Variants in PDE10A observed in about 807,000 individuals in gnomAD.
PDE10A encodes cAMP and cAMP-inhibited cGMP 3',5'-cyclic phosphodiesterase 10A.
In PDE10A, 39 loss-of-function variants were observed where a neutral mutation model predicts 97.7. That is an observed-to-expected ratio of 0.40 (90% CI 0.31 to 0.52). PDE10A has a LOEUF of 0.52. Among genes scored for constraint, PDE10A ranks in the 20% least tolerant of loss-of-function variants. The pLI is 0.56. For synonymous variants in PDE10A, 371 were observed against 376.8 expected (o/e 0.98, Z 0.18); for missense variants, 731 against 1,047.8 (o/e 0.70, Z 4.17).
rs974300345 is a variant in PDE10A at position 165,661,001 on chromosome 6, A to T, written c.865+946T>A. Reference sequence around the variant, plus strand: ...ACCGCGACGCCCCCCTCCTCTGCGCACCGGGCGCCTCCTCTTTCCTCACTG... The same window carrying T: ...ACCGCGACGCCCCCCTCCTCTGCGCTCCGGGCGCCTCCTCTTTCCTCACTG... On this transcript the variant is annotated intron_variant, in intron 1 of 21. Transcript: ENST00000539869. The surrounding 1 kb of genome is among the most constrained non-coding windows in gnomAD (Gnocchi z 4.8). 6.5e-6 allele frequency: 1 copy of T among 152,808 alleles called. No homozygotes were observed. Among genetic ancestry groups the T allele is most frequent in the Middle Eastern group, 3.2e-3 (1 of 316 alleles). 9.5% of individuals were successfully genotyped at this position (152,808 alleles called of 1,614,324 possible). A position where few individuals can be genotyped will look rare whatever the true frequency, so the allele number is the denominator to read the frequency against.
intron 1 of PDE10A, among the ~76,000 whole-genome samples, chr6:165,695,871 C>G (rs968945018): frequency 2.6e-5 from 4 of 152,164 alleles, no homozygotes; most frequent in Non-Finnish European, 5.9e-5. Context: ...ACTGTTCCTT[C>G]CAAGGAGCCA....
chr6:165,582,915 T>G (rs955908469), intron 1 of PDE10A, among the ~76,000 whole-genome samples: 1 of 152,220 alleles, frequency 6.6e-6, no homozygotes, highest in African/African-American at 2.4e-5. Context: ...TTCCTGTGTG[T>G]CTTACCAGTA....
In PDE10A at chr6:165,383,670, G is replaced by A. The variant is rs1043628851; in HGVS notation, c.2611-4304C>T. Reference sequence around the variant, plus strand: ...CAGAGGTGGGCCTGTGAGTCCAGAGGTGAAGAAGGGGCAGTGACTCTCCTC... The same window carrying A: ...CAGAGGTGGGCCTGTGAGTCCAGAGATGAAGAAGGGGCAGTGACTCTCCTC... On this transcript the variant is annotated intron_variant, in intron 17 of 21. Coordinates refer to ENST00000539869, the MANE Select transcript of PDE10A (RefSeq NM_001385079.1). 7.0e-4 allele frequency among the ~76,000 whole-genome samples: 106 copies of A among 152,270 alleles called. 1 individual carries two copies. Among genetic ancestry groups the A allele is most frequent in the African/African-American group, 2.4e-3 (100 of 41,552 alleles).
At chr6:165,414,784 AT>A (rs1788187200) in intron 12 of PDE10A, among the ~76,000 whole-genome samples, 1 of 152,188 alleles carries the variant, frequency 6.6e-6, no homozygotes, top group Admixed American at 6.5e-5. Flanking sequence ...ACCATTTCAT[AT>A]TCCCACCAAC....
At chr6:165,813,296 A>G (rs374342775) in intron 1 of PDE10A, among the ~76,000 whole-genome samples, 3 of 147,526 alleles carry the variant, frequency 2.0e-5, no homozygotes, top group African/African-American at 7.5e-5. Flanking sequence ...TATATTTTTG[A>G]GGAAGTTTGA....
At chr6:165,649,110 G>A (rs949588877) in intron 1 of PDE10A, among the ~76,000 whole-genome samples, 2 of 152,214 alleles carry the variant, frequency 1.3e-5, no homozygotes, top group Non-Finnish European at 2.9e-5. Flanking sequence ...TGTGCTCCAC[G>A]GGTTACCTGA....
chr6:165,541,108 G>T (rs1783410892), intron 2 of PDE10A, among the ~76,000 whole-genome samples: 1 of 152,118 alleles, frequency 6.6e-6, no homozygotes, highest in Admixed American at 6.6e-5. Context: ...GGCTGAAGGG[G>T]GTCTTACTAG....
chr6:165,631,301 A>T (rs1312173638), intron 1 of PDE10A, among the ~76,000 whole-genome samples: 1 of 152,246 alleles, frequency 6.6e-6, no homozygotes, highest in Admixed American at 6.5e-5. Flanking sequence ...GAGAATTGTT[A>T]TACACACACG....
intron 1 of PDE10A, among the ~76,000 whole-genome samples, chr6:165,945,127 C>A (rs192286781): frequency 1.9e-3 from 290 of 152,304 alleles, no homozygotes; most frequent in Admixed American, 4.9e-3. Flanking sequence ...AAAGACATTG[C>A]AGCTTCTGAC....
At chr6:165,850,224 G>C (rs1379173194) in intron 1 of PDE10A, among the ~76,000 whole-genome samples, 1 of 152,222 alleles carries the variant, frequency 6.6e-6, no homozygotes, top group African/African-American at 2.4e-5. Flanking sequence ...CTGGACTCCG[G>C]GAGGCGCCAA....
intron 1 of PDE10A, among the ~76,000 whole-genome samples, chr6:165,767,674 T>C (rs1371211545): frequency 1.3e-5 from 2 of 152,256 alleles, no homozygotes; most frequent in South Asian, 2.1e-4. Flanking sequence ...ATTTTGTTTA[T>C]CTACTCATTA....
chr6:165,790,323 A>G (rs1778612608), intron 1 of PDE10A, among the ~76,000 whole-genome samples: 1 of 152,142 alleles, frequency 6.6e-6, no homozygotes, highest in Non-Finnish European at 1.5e-5. Context: ...AGGAGGTAGA[A>G]AGGAAATACA....
At chr6:165,823,482 TTA>T (rs748139541) in intron 1 of PDE10A, among the ~76,000 whole-genome samples, 3,695 of 36,862 alleles carry the variant, frequency 0.1, 104 homozygotes, top group Middle Eastern at 0.11. Flanking sequence ...ATAGTTAACT[TTA>T]TATATATATA....
In PDE10A at chr6:165,951,532, G is replaced by A. The variant is rs145594805; in HGVS notation, c.-615+35997C>T. ...CCTCCCACTGGTCCTGAAGCAGAGC[G>A]ACATCCAGCTTCTTCTGCACCACTC... On this transcript the variant is annotated intron_variant, in intron 1 of 19. Coordinates refer to the PDE10A transcript ENST00000366882. Among the ~76,000 whole-genome samples the A allele has an allele frequency of 4.6e-5, 7 of 152,154 alleles. No homozygotes were observed. The East Asian group carries it at 5.8e-4, about 13-fold the overall frequency.
At chr6:165,417,584 C>G (rs1788408187) in intron 11 of PDE10A, among the ~76,000 whole-genome samples, 1 of 152,136 alleles carries the variant, frequency 6.6e-6, no homozygotes, top group Non-Finnish European at 1.5e-5. Context: ...AGAGAAATGA[C>G]TTATCTAAAT....
chr6:165,336,294 T>C, intron 20 of PDE10A, 83 bp from the exon 21 acceptor site: 2 of 936,226 alleles, frequency 2.1e-6, no homozygotes, highest in Non-Finnish European at 3.4e-6. Flanking sequence ...TAAGTGACTG[T>C]TCTGTTTCTG....
At chr6:165,702,718 C>T (rs1303846373) in intron 1 of PDE10A, among the ~76,000 whole-genome samples, 1 of 152,348 alleles carries the variant, frequency 6.6e-6, no homozygotes, top group African/African-American at 2.4e-5. Context: ...TGCCTGGCTG[C>T]CAGCCCATCT....
At chr6:165,625,301 G>T (rs1788331141) in intron 1 of PDE10A, among the ~76,000 whole-genome samples, 1 of 152,232 alleles carries the variant, frequency 6.6e-6, no homozygotes, top group Non-Finnish European at 1.5e-5. Context: ...TGTCTCACTG[G>T]TCCAGGAATG....
At chr6:165,481,983 G>T (rs1779629104) in intron 3 of PDE10A, among the ~76,000 whole-genome samples, 1 of 152,204 alleles carries the variant, frequency 6.6e-6, no homozygotes, top group Admixed American at 6.5e-5. Context: ...GCTGCCCTGT[G>T]AGAGTTATCT....
Sources: gnomAD v4.1 joint callset for allele counts (sites outside exome capture counted in the v4.1 genomes callset) on GRCh38, gnomAD v4.1.1 for gene constraint, Gnocchi (gnomAD v3.1) non-coding constraint, MANE v1.5 for transcripts, NCBI Gene and HGNC (gene_info 2026-07-23, HGNC 2026-07-21) for gene names.